Variants in LEMD3 observed in about 807,000 individuals in gnomAD.
The protein encoded by LEMD3 is inner nuclear membrane protein Man1.
LEMD3 carries 33 observed loss-of-function variants against 95.2 expected under a neutral mutation model. The observed-to-expected ratio is 0.35, with a 90% CI of 0.26 to 0.46. LEMD3 has a LOEUF of 0.46. Among genes scored for constraint, LEMD3 ranks in the 20% least tolerant of loss-of-function variants. LEMD3 has a pLI of 1.00. For synonymous variants in LEMD3, 525 were observed against 474.6 expected (o/e 1.11, Z -1.38); for missense variants, 1,210 against 1,192.8 (o/e 1.01, Z -0.21).
At chr12:65,178,206 T>C (rs774210236) in intron 1 of LEMD3, among the ~76,000 whole-genome samples, 7 of 150,470 alleles carry the variant, frequency 4.7e-5, no homozygotes, top group Non-Finnish European at 7.4e-5. Flanking sequence ...ACGAGTTGAC[T>C]GCTTTGTAAG....
At chr12:65,184,308 T>C (rs1204300029) in intron 1 of LEMD3, among the ~76,000 whole-genome samples, 1 of 152,178 alleles carries the variant, frequency 6.6e-6, no homozygotes, top group Non-Finnish European at 1.5e-5. Context: ...TTCCAGATTG[T>C]GTGTAAAACA....
intron 2 of LEMD3, among the ~76,000 whole-genome samples, chr12:65,214,414 C>T (rs894230140): frequency 2.6e-5 from 4 of 152,006 alleles, no homozygotes; most frequent in South Asian, 2.1e-4. Context: ...TATATATATA[C>T]GTAGGAAGGC....
chr12:65,212,197 A>G (rs1449542947), intron 2 of LEMD3, among the ~76,000 whole-genome samples: 1 of 152,132 alleles, frequency 6.6e-6, no homozygotes, highest in Non-Finnish European at 1.5e-5. Context: ...TCACGAGAAT[A>G]GCATGGGGAA....
At chr12:65,243,824 T>C (rs547297943) in intron 10 of LEMD3, among the ~76,000 whole-genome samples, 16 of 152,336 alleles carry the variant, frequency 1.1e-4, no homozygotes, top group South Asian at 6.2e-4. Context: ...GTAGAAAATA[T>C]AGATACAATC....
chr12:65,178,063 C>G (rs1450545244), intron 1 of LEMD3, among the ~76,000 whole-genome samples: 1 of 151,938 alleles, frequency 6.6e-6, no homozygotes, highest in Non-Finnish European at 1.5e-5. Flanking sequence ...CCAGGCTGGT[C>G]TTGAACTCCT....
chr12:65,189,143 T>G (rs1869159119), intron 1 of LEMD3, among the ~76,000 whole-genome samples: 1 of 152,130 alleles, frequency 6.6e-6, no homozygotes, highest in Admixed American at 6.6e-5. Flanking sequence ...CTAATAAAAG[T>G]TATGCGAATA....
At chr12:65,216,071 A>G (rs759774093) in intron 3 of LEMD3, 28 bp downstream of exon 3, 25 of 1,450,788 alleles carry the variant, frequency 1.7e-5, no homozygotes, top group Non-Finnish European at 9.7e-7. Flanking sequence ...TATAGTTGCT[A>G]AAAATGTTTT....
At position 65,239,995 on chromosome 12, in the gene LEMD3, C is replaced by T. The variant is rs1248914059; in HGVS notation, c.1988C>T (p.Thr663Ile). The T allele has an allele frequency of 6.2e-7, 1 of 1,611,696 alleles. No homozygotes were observed. Among genetic ancestry groups the T allele is most frequent in the Admixed American group, 1.7e-5 (1 of 59,998 alleles). The change falls in exon 7 of 13, where the codon ACA becomes ATA. Residue 663 changes from threonine (T) to isoleucine (I), a missense_variant. Coordinates refer to ENST00000308330, the MANE Select transcript of LEMD3 (RefSeq NM_014319.5). ...CGATGGACAAAAGAAGAGGAGGAAA[C>T]AAGGCAGATGTATGATATGGTGGTA... ...KYRWTKEEEE[T>I]RQMYDMVVKI...
chr12:65,208,783 T>G (rs1396651138), intron 1 of LEMD3, among the ~76,000 whole-genome samples: 2 of 152,096 alleles, frequency 1.3e-5, no homozygotes, highest in Non-Finnish European at 2.9e-5. Context: ...ATCATGAGCA[T>G]TTGGGGAAAA....
chr12:65,200,503 C>T (rs1187716004), intron 1 of LEMD3, among the ~76,000 whole-genome samples: 1 of 152,140 alleles, frequency 6.6e-6, no homozygotes, highest in Non-Finnish European at 1.5e-5. Context: ...TACATCCTCA[C>T]TGCATTCGTG....
At chr12:65,218,964 G>T (rs1411524259) in intron 4 of LEMD3, among the ~76,000 whole-genome samples, 3 of 151,848 alleles carry the variant, frequency 2.0e-5, no homozygotes, top group Non-Finnish European at 4.4e-5. Flanking sequence ...AATGTTTTTT[G>T]TATTTTTAGT....
chr12:65,200,146 G>C (rs2136329751), intron 1 of LEMD3, among the ~76,000 whole-genome samples: 1 of 152,096 alleles, frequency 6.6e-6, no homozygotes, highest in East Asian at 1.9e-4. Flanking sequence ...CACCGGCCTA[G>C]TCTTCATTTG....
chr12:65,214,327 T>G (rs1378914716), intron 2 of LEMD3, among the ~76,000 whole-genome samples: 7 of 152,198 alleles, frequency 4.6e-5, no homozygotes, highest in Non-Finnish European at 1.0e-4. Flanking sequence ...ATTTTGCAGT[T>G]TGAATTTTTG....
chr12:65,195,738 T>C (rs1405890505), intron 1 of LEMD3, among the ~76,000 whole-genome samples: 2 of 152,136 alleles, frequency 1.3e-5, no homozygotes, highest in African/African-American at 4.8e-5. Context: ...TAAAGCTAGT[T>C]ATATAGGTTT....
chr12:65,234,090 A>G (rs1324251915), intron 4 of LEMD3, among the ~76,000 whole-genome samples: 1 of 152,176 alleles, frequency 6.6e-6, no homozygotes, highest in African/African-American at 2.4e-5. Context: ...GTCATCAGTT[A>G]TTGGAAAATG....
Position 65,240,022 on chromosome 12 carries a change from A to C in LEMD3, c.2015A>C (p.Lys672Thr), listed in dbSNP as rs769095661. ...ETRQMYDMVV[K>T]IIDVLRSHNE... is the part of the protein sequence containing the mutation. ...AGGCAGATGTATGATATGGTGGTAA[A>C]GATTATAGGTATGATATTTGTAAGA... Residue 672 changes from lysine (K) to threonine (T), a missense_variant, in exon 7 of 13, where the codon AAG (lysine) becomes ACG (threonine). By Grantham distance (78) the Lys-to-Thr change is moderately conservative (BLOSUM62 -1). Transcript: ENST00000308330. 5 of 1,598,472 alleles carry C rather than the reference A, an allele frequency of 3.1e-6. No individual in the cohort carries two copies. In the South Asian group the frequency reaches 4.4e-5, roughly 14 times the overall value.
chr12:65,180,057 G>A (rs544092557), intron 1 of LEMD3, among the ~76,000 whole-genome samples: 1 of 151,860 alleles, frequency 6.6e-6, no homozygotes, highest in South Asian at 2.1e-4. Flanking sequence ...TGATTTTCCT[G>A]CCTCCACCTC....
intron 1 of LEMD3, among the ~76,000 whole-genome samples, chr12:65,199,531 AAAAT>A (rs1470144625): frequency 3.9e-5 from 6 of 152,226 alleles, no homozygotes; most frequent in Middle Eastern, 3.4e-3. Flanking sequence ...AATTTTAGGA[AAAAT>A]AAAATCTTAT....
At position 65,245,889 on chromosome 12, in the gene LEMD3, C is replaced by T. The variant is rs1305492003; in HGVS notation, c.2522C>T (p.Pro841Leu). Reference protein sequence around the residue: ...EGCVYVKCLSPEYAGKAFKAL... With the variant: ...EGCVYVKCLSLEYAGKAFKAL... Reference sequence around the variant, plus strand: ...TGTGTATATGTTAAATGTCTGTCTCCAGAATATGCTGGAAAGGCTTTTAAA... The same window carrying T: ...TGTGTATATGTTAAATGTCTGTCTCTAGAATATGCTGGAAAGGCTTTTAAA... The change falls in exon 12 of 13, where the codon CCA (proline) becomes CTA (leucine). Residue 841 changes from proline to leucine, a missense_variant. Pro to Leu is a moderately conservative substitution (Grantham distance 98, BLOSUM62 -3). Coordinates refer to ENST00000308330, the MANE Select transcript of LEMD3 (RefSeq NM_014319.5). 1 of 1,613,068 alleles carries T rather than the reference C, an allele frequency of 6.2e-7. No homozygotes were observed. Among genetic ancestry groups the T allele is most frequent in the Admixed American group, 1.7e-5 (1 of 60,024 alleles).
Sources: allele counts gnomAD v4.1 joint callset (sites outside exome capture counted in the v4.1 genomes callset), GRCh38; gene constraint gnomAD v4.1.1; transcripts MANE v1.5; gene names NCBI Gene and HGNC (gene_info 2026-07-23, HGNC 2026-07-21).